Variants in CELF1 observed in about 807,000 individuals in gnomAD.
CELF1 encodes 50 kDa nuclear polyadenylated RNA-binding protein.
In CELF1, 10 loss-of-function variants were observed where a neutral mutation model predicts 61.8. That is an observed-to-expected ratio of 0.16 (90% confidence interval 0.10 to 0.27). The LOEUF is 0.27. Among genes scored for constraint, CELF1 ranks in the 10% least tolerant of loss-of-function variants. CELF1 has a pLI of 1.00. For missense variants in CELF1, 380 were observed against 639.1 expected (o/e 0.59, Z 4.37); for synonymous variants, 236 against 225.1 (o/e 1.05, Z -0.43).
At chr11:47,475,999 A>ATTTT (rs370220622) in intron 12 of CELF1, among the ~76,000 whole-genome samples, 19 of 142,708 alleles carry the variant, frequency 1.3e-4, no homozygotes, top group African/African-American at 4.6e-4. Context: ...CTATGTTCTA[A>ATTTT]TTTTTTTTTT....
At chr11:47,528,205 C>T (rs557034554) in intron 1 of CELF1, among the ~76,000 whole-genome samples, 8 of 148,932 alleles carry the variant, frequency 5.4e-5, no homozygotes, top group South Asian at 4.2e-4. Context: ...ACTATAAACA[C>T]GTAAAGTATG....
At chr11:47,510,909 C>A (rs367821103) in intron 1 of CELF1, among the ~76,000 whole-genome samples, 2 of 152,174 alleles carry the variant, frequency 1.3e-5, no homozygotes, top group South Asian at 2.1e-4. Context: ...TAGCTGGGTA[C>A]AGTGGCTCAT....
intron 3 of CELF1, among the ~76,000 whole-genome samples, chr11:47,494,788 G>A (rs1173495229): frequency 6.6e-6 from 1 of 152,164 alleles, no homozygotes; most frequent in Non-Finnish European, 1.5e-5. Context: ...TAGCTGCACT[G>A]AGCAATACGA....
intron 1 of CELF1, among the ~76,000 whole-genome samples, chr11:47,552,172 G>A (rs1057436489): frequency 2.6e-5 from 4 of 152,156 alleles, no homozygotes. Context: ...GCGAGAAAGA[G>A]ATTCCATTTT....
rs200828700 is a variant in CELF1 at position 47,483,503 on chromosome 11, C to A, written c.556G>T (p.Ala186Ser). The A allele has an allele frequency of 1.9e-6, 3 of 1,614,046 alleles. No homozygotes were observed. The African/African-American group carries it at 4.0e-5, about 22-fold the overall frequency. Residue 186 changes from alanine to serine, a missense_variant, in exon 8 of 15, where the codon GCC (alanine) becomes TCC (serine). Transcript: ENST00000687097. ...GCAFVTFTTRAMAQTAIKAMH... is the reference protein window; with the variant it reads ...GCAFVTFTTRSMAQTAIKAMH... ...GCCTTGATAGCCGTCTGTGCCATGG[C>A]TCTTGTTGTAAAAGTCACAAATGCA...
chr11:47,498,243 C>CA (rs1244189073), intron 3 of CELF1, among the ~76,000 whole-genome samples: 1 of 121,342 alleles, frequency 8.2e-6, no homozygotes, highest in Non-Finnish European at 2.0e-5. Context: ...CTCATATCTA[C>CA]AAAAAGTTTA....
chr11:47,492,648 C>T (rs1209144418), intron 3 of CELF1, among the ~76,000 whole-genome samples: 1 of 152,100 alleles, frequency 6.6e-6, no homozygotes, highest in African/African-American at 2.4e-5. Flanking sequence ...ACAAGAATCG[C>T]TTGAACCTGG....
At chr11:47,533,944 C>G (rs1182979671) in intron 1 of CELF1, among the ~76,000 whole-genome samples, 2 of 150,904 alleles carry the variant, frequency 1.3e-5, no homozygotes, top group Non-Finnish European at 2.9e-5. Context: ...ATAAACTCAA[C>G]TGAAGTTTCT....
intron 14 of CELF1, 145 bp from the exon 15 acceptor site, chr11:47,472,502 G>A (rs1341512524): frequency 7.0e-6 from 6 of 860,148 alleles, no homozygotes; most frequent in East Asian, 2.5e-5. Flanking sequence ...TATGTCATAC[G>A]AAATAAATTA....
chr11:47,565,032 C>T (rs2097240368), intron 1 of CELF1, among the ~76,000 whole-genome samples: 1 of 152,158 alleles, frequency 6.6e-6, no homozygotes, highest in Non-Finnish European at 1.5e-5. Flanking sequence ...GACCCCTGTT[C>T]ACCCTGGGAT....
intron 1 of CELF1, among the ~76,000 whole-genome samples, chr11:47,542,175 G>GC (rs1365599655): frequency 6.6e-6 from 1 of 152,170 alleles, no homozygotes. Context: ...TTCGAGACCA[G>GC]CCTAGCCAAC....
chr11:47,486,676 G>A, intron 6 of CELF1, 74 bp downstream of exon 6: 5 of 1,221,938 alleles, frequency 4.1e-6, no homozygotes, highest in Middle Eastern at 1.9e-4. Context: ...CCAAAGTGCT[G>A]GGATTACAGG....
intron 1 of CELF1, among the ~76,000 whole-genome samples, chr11:47,545,751 A>C (rs2096917189): frequency 6.6e-6 from 1 of 151,596 alleles, no homozygotes; most frequent in Non-Finnish European, 1.5e-5. Flanking sequence ...GGCTGGTCTC[A>C]AGCTCCTGAG....
chr11:47,530,427 A>AT (rs2096429510), intron 1 of CELF1, among the ~76,000 whole-genome samples: 2 of 152,354 alleles, frequency 1.3e-5, no homozygotes, highest in East Asian at 3.8e-4. Flanking sequence ...CTGAGGACAT[A>AT]TATCAAGATA....
intron 1 of CELF1, among the ~76,000 whole-genome samples, chr11:47,508,989 G>C (rs971020137): frequency 3.9e-5 from 6 of 152,084 alleles, no homozygotes; most frequent in African/African-American, 1.4e-4. Flanking sequence ...GGCTAGTCTC[G>C]AACTCCTGAC....
chr11:47,472,116 AGGGATC>A lies in CELF1; in HGVS notation c.*108_*113del. 1 of 1,254,074 alleles carries A rather than the reference AGGGATC, an allele frequency of 8.0e-7. No homozygotes were observed. Among genetic ancestry groups the A allele is most frequent in the Non-Finnish European group, 1.1e-6 (1 of 893,706 alleles). 77.7% of individuals were successfully genotyped at this position (1,254,074 alleles called of 1,614,324 possible). Reference sequence around the variant, plus strand: ...GGCAAGCTGTGCCTGCGAGAGTGGCAGGGATCAGGGTCCAGGGCTGTCAACACACAG... The same window carrying A: ...GGCAAGCTGTGCCTGCGAGAGTGGCAAGGGTCCAGGGCTGTCAACACACAG... On this transcript the variant is annotated 3_prime_UTR_variant, in exon 15 of 15. Transcript: ENST00000687097.
Position 47,472,218 on chromosome 11 carries a change from A to C in CELF1, c.*12T>G. The C allele has an allele frequency of 6.2e-7, 1 of 1,613,356 alleles. No homozygotes were observed. The highest frequency in any genetic ancestry group is 1.1e-5 in the South Asian group (1 of 91,028). The stretch of plus-strand genomic sequence containing the variant: ...GAAGACCCTCTCACTCCAGTCTCAG[A>C]GGGGAGCACGCTCAGTAGGGCTTGC... On this transcript the variant is annotated 3_prime_UTR_variant, in exon 15 of 15. Coordinates refer to ENST00000687097, the MANE Select transcript of CELF1 (RefSeq NM_001376376.1).
At chr11:47,530,613 A>C (rs1298632260) in intron 1 of CELF1, among the ~76,000 whole-genome samples, 12 of 152,192 alleles carry the variant, frequency 7.9e-5, no homozygotes. Context: ...TCAGAGACAA[A>C]AGGATGGCTG....
chr11:47,482,340 T>A (rs2083825431), intron 9 of CELF1: 1 of 172,040 alleles, frequency 5.8e-6, no homozygotes, highest in Non-Finnish European at 1.2e-5. Context: ...GCCCTCTACA[T>A]CTGGTAGAAA....
Sources: allele counts gnomAD v4.1 joint callset (sites outside exome capture counted in the v4.1 genomes callset), GRCh38; gene constraint gnomAD v4.1.1; transcripts MANE v1.5; gene names NCBI Gene and HGNC (gene_info 2026-07-23, HGNC 2026-07-21).